ADAMTSL1: variants seen among roughly 807,000 people sequenced by gnomAD.
The protein encoded by ADAMTSL1 is ADAMTS like 1.
In ADAMTSL1, 126 loss-of-function variants were observed where a neutral mutation model predicts 201.8. The ratio of observed to expected loss-of-function variants is 0.62; its 90% CI spans 0.54 to 0.72. The LOEUF (loss-of-function observed/expected upper bound fraction) is 0.72, where lower values mean the gene tolerates loss of function less well. ADAMTSL1 is among the 30% of genes least tolerant of loss of function. ADAMTSL1 has a pLI of 0.00. For synonymous variants in ADAMTSL1, 1,121 were observed against 903.4 expected, an observed-to-expected ratio of 1.24 and a Z score of -4.32; for missense variants, 2,679 against 2,277.8, an observed-to-expected ratio of 1.18 and a Z score of -3.59.
intron 4 of ADAMTSL1, among the ~76,000 whole-genome samples, chr9:18,610,852 C>G (rs1260512072): frequency 1.3e-5 from 2 of 152,100 alleles, no homozygotes; most frequent in Non-Finnish European, 2.9e-5. Context: ...GATAACATAT[C>G]CAGACATGTA....
intron 2 of ADAMTSL1, among the ~76,000 whole-genome samples, chr9:18,509,834 T>A (rs1459058323): frequency 6.6e-6 from 1 of 152,214 alleles, no homozygotes; most frequent in Non-Finnish European, 1.5e-5. Context: ...GGACTATTCT[T>A]CAATCTAGCA....
intron 13 of ADAMTSL1, among the ~76,000 whole-genome samples, chr9:18,703,328 A>T (rs1832034944): frequency 6.6e-6 from 1 of 152,062 alleles, no homozygotes; most frequent in Non-Finnish European, 1.5e-5. Context: ...GAGCTGGGAG[A>T]TCTAGGGACT....
chr9:18,607,091 T>G (rs894278881), intron 4 of ADAMTSL1, among the ~76,000 whole-genome samples: 10 of 152,182 alleles, frequency 6.6e-5, no homozygotes, highest in Non-Finnish European at 1.3e-4. Flanking sequence ...AAAAGAATTT[T>G]GAAATTGAGG....
chr9:18,213,519 G>C (rs79659022), intron 2 of ADAMTSL1, among the ~76,000 whole-genome samples: 3,405 of 152,212 alleles, frequency 0.022, 121 homozygotes, highest in African/African-American at 0.077. Context: ...CCTGGGACTA[G>C]GTATTAGTGA....
At chr9:18,036,474 T>C (rs1403314695) in intron 1 of ADAMTSL1, among the ~76,000 whole-genome samples, 1 of 152,214 alleles carries the variant, frequency 6.6e-6, no homozygotes, top group Admixed American at 6.6e-5. Context: ...CTAGGTATAA[T>C]ATCACATCTT....
At chr9:18,532,399 A>T (rs1354068146) in intron 2 of ADAMTSL1, among the ~76,000 whole-genome samples, 1 of 152,178 alleles carries the variant, frequency 6.6e-6, no homozygotes, top group African/African-American at 2.4e-5. Flanking sequence ...CTTTGATAAA[A>T]CACATGCACA....
At chr9:18,786,460 G>C (rs1821711888) in intron 19 of ADAMTSL1, among the ~76,000 whole-genome samples, 1 of 152,090 alleles carries the variant, frequency 6.6e-6, no homozygotes, top group Non-Finnish European at 1.5e-5. Flanking sequence ...TCTGAACCTT[G>C]GTTTTCTTAT....
chr9:18,425,806 T>C (rs375921666), intron 2 of ADAMTSL1, among the ~76,000 whole-genome samples: 1 of 140,592 alleles, frequency 7.1e-6, no homozygotes, highest in African/African-American at 2.6e-5. Context: ...CAATGAACCA[T>C]GGTCACCCCA....
Position 18,751,643 on chromosome 9 carries a change from C to T in ADAMTSL1, c.2007-1655C>T, listed in dbSNP as rs545706174. Among the ~76,000 whole-genome samples the T allele has an allele frequency of 3.2e-4, 49 of 152,268 alleles. 1 individual carries two copies. Among genetic ancestry groups the T allele is most frequent in the African/African-American group, 1.2e-3 (48 of 41,540 alleles). ...AATACAAAACTGACTCAGATGCGGG[C>T]CCTACATCAGGAGGTATACACTCTA... is the stretch of plus-strand genomic sequence containing the variant. On this transcript the variant is annotated intron_variant, in intron 15 of 28. Transcript: ENST00000380548.
intron 2 of ADAMTSL1, among the ~76,000 whole-genome samples, chr9:18,387,086 A>G (rs553820234): frequency 5.5e-4 from 84 of 152,242 alleles, no homozygotes; most frequent in African/African-American, 2.0e-3. Context: ...AAAAATTAAT[A>G]TATACATTGG....
At chr9:18,579,530 A>G (rs1404464165) in intron 4 of ADAMTSL1, among the ~76,000 whole-genome samples, 1 of 152,224 alleles carries the variant, frequency 6.6e-6, no homozygotes, top group African/African-American at 2.4e-5. Context: ...TAAAGTGCTT[A>G]CTATGAGCTT....
At chr9:18,683,307 C>G (rs1189693399) in intron 12 of ADAMTSL1, among the ~76,000 whole-genome samples, 1 of 151,554 alleles carries the variant, frequency 6.6e-6, no homozygotes, top group Non-Finnish European at 1.5e-5. Context: ...TCACTGCAAC[C>G]TCTGCCTCCC....
chr9:17,932,920 A>G (rs914404210), intron 1 of ADAMTSL1, among the ~76,000 whole-genome samples: 6 of 152,020 alleles, frequency 3.9e-5, no homozygotes, highest in African/African-American at 1.4e-4. Context: ...TCATTTCTTC[A>G]AGTGGTTTCG....
chr9:18,085,141 G>C (rs1008350354), intron 1 of ADAMTSL1, among the ~76,000 whole-genome samples: 4 of 152,158 alleles, frequency 2.6e-5, no homozygotes, highest in Middle Eastern at 6.8e-3. Context: ...AAATTAATAG[G>C]GAATGTGTAG....
At chr9:18,079,657 G>T (rs1823391775) in intron 1 of ADAMTSL1, among the ~76,000 whole-genome samples, 1 of 151,146 alleles carries the variant, frequency 6.6e-6, no homozygotes, top group African/African-American at 2.4e-5. Context: ...ACTCCAGTCT[G>T]GGAGACAGAG....
At chr9:18,795,279 T>C in intron 19 of ADAMTSL1, 118 bp from the exon 20 acceptor site, 2 of 1,342,942 alleles carry the variant, frequency 1.5e-6, no homozygotes, top group Non-Finnish European at 2.0e-6. Flanking sequence ...GGTTTGTCTC[T>C]GTTGTTAAAA....
At chr9:18,758,549 C>T (rs1470905881) in intron 16 of ADAMTSL1, among the ~76,000 whole-genome samples, 3 of 152,202 alleles carry the variant, frequency 2.0e-5, no homozygotes, top group African/African-American at 7.2e-5. Flanking sequence ...TTCTACAGGC[C>T]ATATGCTTCC....
intron 1 of ADAMTSL1, among the ~76,000 whole-genome samples, chr9:18,137,692 A>T (rs184243793): frequency 6.6e-6 from 1 of 152,298 alleles, no homozygotes; most frequent in South Asian, 2.1e-4. Flanking sequence ...AATTATAAAG[A>T]ATTCCCACCT....
chr9:18,801,830 T>A (rs193209767), intron 20 of ADAMTSL1, among the ~76,000 whole-genome samples: 29 of 152,258 alleles, frequency 1.9e-4, no homozygotes, highest in African/African-American at 3.1e-4. Context: ...AGTGAACATT[T>A]GTGTGTGTGT....
Sources: gnomAD v4.1 joint callset for allele counts (sites outside exome capture counted in the v4.1 genomes callset) on GRCh38, gnomAD v4.1.1 for gene constraint, MANE v1.5 for transcripts, NCBI Gene and HGNC (gene_info 2026-07-23, HGNC 2026-07-21) for gene names.